NLRC5: variants seen among roughly 807,000 people sequenced by gnomAD.
The protein encoded by NLRC5 is protein NLRC5.
In NLRC5, 114 loss-of-function variants were observed where a neutral mutation model predicts 206.9. That is an observed-to-expected ratio of 0.55 (90% CI 0.47 to 0.64). The LOEUF is 0.64. NLRC5 is among the 30% of genes least tolerant of loss of function. The probability of loss-of-function intolerance (pLI) is 0.00; values close to 1 mark genes in which losing one functional copy is unlikely to be tolerated. For synonymous variants in NLRC5, 952 were observed against 962.8 expected, an observed-to-expected ratio of 0.99 and a Z score of 0.21; for missense variants, 2,008 against 2,305.5, an observed-to-expected ratio of 0.87 and a Z score of 2.64.
intron 1 of NLRC5, among the ~76,000 whole-genome samples, chr16:56,994,846 A>G (rs72773105): frequency 0.012 from 1,816 of 152,268 alleles, 20 homozygotes; most frequent in Middle Eastern, 0.02. Flanking sequence ...TGTGAATGAC[A>G]TTTTTGCAAT....
At chr16:57,019,336 G>A (rs559543088) in intron 2 of NLRC5, among the ~76,000 whole-genome samples, 23 of 152,278 alleles carry the variant, frequency 1.5e-4, no homozygotes, top group Non-Finnish European at 2.6e-4. Context: ...GGCGGAGGCT[G>A]CAGTGAGCCG....
At chr16:57,040,550 T>A (rs1377830546) in intron 16 of NLRC5, 100 bp from the exon 17 acceptor site, 2 of 1,154,788 alleles carry the variant, frequency 1.7e-6, no homozygotes, top group Non-Finnish European at 2.6e-6. Flanking sequence ...TGACTCTAGG[T>A]GGAGGATAGG....
chr16:57,011,684 G>A (rs1409347582), intron 1 of NLRC5, among the ~76,000 whole-genome samples: 1 of 149,902 alleles, frequency 6.7e-6, no homozygotes, highest in African/African-American at 2.5e-5. Flanking sequence ...TTGCACCACT[G>A]CACTCCAGCC....
rs548637347 is a variant in NLRC5 at position 56,993,130 on chromosome 16, TATAC to T, written c.-128+3515_-128+3518del. ...ATACACGTATATATGTGTATATATA[TATAC>T]ACACACACACACACACACATATACA... On this transcript the variant is annotated intron_variant, in intron 1 of 48. Transcript: ENST00000688547. Among the ~76,000 whole-genome samples, 1,011 of 143,406 alleles carry T rather than the reference TATAC, an allele frequency of 7.0e-3. 14 individuals carry two copies. Among genetic ancestry groups the T allele is most frequent in the African/African-American group, 0.021 (787 of 38,168 alleles). 94.1% of individuals were successfully genotyped at this position (143,406 alleles called of 152,430 possible).
chr16:57,013,242 C>A, intron 1 of NLRC5: 1 of 525,256 alleles, frequency 1.9e-6, no homozygotes, highest in South Asian at 1.8e-5. Flanking sequence ...AAGCCACATT[C>A]AATCTTTGGC....
At chr16:57,020,667 C>A (rs564009789) in intron 2 of NLRC5, 34 bp from the exon 3 acceptor site, 2 of 1,542,202 alleles carry the variant, frequency 1.3e-6, no homozygotes, top group Non-Finnish European at 8.8e-7. Flanking sequence ...TTTACCTGTC[C>A]CCCTCAACTC....
intron 1 of NLRC5, 133 bp from the exon 2 acceptor site, chr16:57,016,941 G>C (rs921269802): frequency 1.3e-5 from 2 of 152,744 alleles, no homozygotes; most frequent in South Asian, 2.1e-4. Flanking sequence ...GATGGAGTTG[G>C]GGGGACTGTG....
intron 46 of NLRC5, 32 bp from the exon 47 acceptor site, chr16:57,081,066 C>T: frequency 6.5e-7 from 1 of 1,542,772 alleles, no homozygotes; most frequent in South Asian, 1.2e-5. Context: ...CCTTGCTCTC[C>T]TGCCGCTGAC....
rs2063169552 is a variant in NLRC5 at position 57,040,675 on chromosome 16, C to T, written c.2896C>T (p.Leu966Phe). The stretch of plus-strand genomic sequence containing the variant: ...GGCTGCATTTCTTGACAGCCTCATG[C>T]TCCAGATGCCCTCTGAGCTGCCTCT... The part of the protein sequence containing the change: ...ERAAFLDSLM[L>F]QMPSELPLSS... The change falls in exon 17 of 49, where the codon CTC becomes TTC. Residue 966 changes from leucine to phenylalanine, a missense_variant. By Grantham distance (22) the Leu-to-Phe change is conservative. Transcript: ENST00000688547. 1 of 1,614,036 alleles carries T rather than the reference C, an allele frequency of 6.2e-7. No homozygotes were observed. The highest frequency in any genetic ancestry group is 1.3e-5 in the African/African-American group (1 of 74,900).
chr16:56,997,508 A>G (rs1418739480), intron 1 of NLRC5, among the ~76,000 whole-genome samples: 1 of 152,204 alleles, frequency 6.6e-6, no homozygotes, highest in African/African-American at 2.4e-5. Context: ...GCACAGCACT[A>G]AAATGTTGAA....
chr16:57,026,167 G>A lies in NLRC5; in HGVS notation c.1224G>A (p.Leu408=), dbSNP rs779618311. 1 of 1,613,788 alleles carries A rather than the reference G, an allele frequency of 6.2e-7. No individual in the cohort carries two copies. The highest frequency in any genetic ancestry group is 1.3e-5 in the African/African-American group (1 of 74,938). The change falls in exon 6 of 49, where the codon CTG becomes CTA. Residue 408 remains leucine (L), a synonymous_variant. Transcript: ENST00000688547. ...RLRSLCAVPA[L]CQVACLCLHH... Reference sequence around the variant, plus strand: ...GAAGCCTGTGTGCGGTGCCCGCACTGTGCCAAGTCGCCTGTCTCTGCCTCC... The same window carrying A: ...GAAGCCTGTGTGCGGTGCCCGCACTATGCCAAGTCGCCTGTCTCTGCCTCC...
chr16:57,069,898 G>A lies in NLRC5; in HGVS notation c.4562G>A (p.Cys1521Tyr), dbSNP rs375934197. 45 of 1,585,284 alleles carry A rather than the reference G, an allele frequency of 2.8e-5. No homozygotes were observed. The highest frequency in any genetic ancestry group is 2.6e-5 in the Non-Finnish European group (30 of 1,166,424). The change falls in exon 37 of 49, where the codon TGC becomes TAC. Residue 1521 changes from cysteine to tyrosine, a missense_variant. Coordinates refer to ENST00000688547, the MANE Select transcript of NLRC5 (RefSeq NM_001384950.1). ...CACCTGGCATCTGGTCTGGGCCACTGCCACCACTTGGAGGAGCTGGAGTGA... is the reference window on the plus strand; with the variant it reads ...CACCTGGCATCTGGTCTGGGCCACTACCACCACTTGGAGGAGCTGGAGTGA... ...LAHLASGLGH[C>Y]HHLEELDLSN...
intron 1 of NLRC5, among the ~76,000 whole-genome samples, chr16:57,011,586 G>A (rs72778371): frequency 0.15 from 22,681 of 151,944 alleles, 2,173 homozygotes; most frequent in Middle Eastern, 0.26. Flanking sequence ...GCCTGGCATG[G>A]TGGAGTGTGC....
intron 4 of NLRC5, 82 bp from the exon 5 acceptor site, chr16:57,023,703 T>G: frequency 8.4e-7 from 1 of 1,188,894 alleles, no homozygotes; most frequent in Non-Finnish European, 1.2e-6. Flanking sequence ...GTCTGTGGAC[T>G]GGAGTTCCCC....
At chr16:57,076,693 A>G (rs2068446092) in intron 39 of NLRC5, 126 bp from the exon 40 acceptor site, 1 of 816,528 alleles carries the variant, frequency 1.2e-6, no homozygotes, top group African/African-American at 1.7e-5. Flanking sequence ...GACCCCCAGA[A>G]GTTTTGCTAC....
At chr16:56,994,936 A>G (rs1163610578) in intron 1 of NLRC5, among the ~76,000 whole-genome samples, 1 of 152,116 alleles carries the variant, frequency 6.6e-6, no homozygotes, top group Non-Finnish European at 1.5e-5. Context: ...GCACTTTGGG[A>G]GGCTGAGATG....
chr16:57,063,897 C>T (rs1445016002), intron 32 of NLRC5, among the ~76,000 whole-genome samples: 1 of 151,646 alleles, frequency 6.6e-6, no homozygotes, highest in African/African-American at 2.4e-5. Context: ...CGCCACCACG[C>T]CTGACTAATG....
intron 1 of NLRC5, among the ~76,000 whole-genome samples, chr16:57,002,065 C>T (rs1024905289): frequency 6.6e-6 from 1 of 152,212 alleles, no homozygotes; most frequent in African/African-American, 2.4e-5. Flanking sequence ...CATCCATGTC[C>T]TTGCAAATGA....
chr16:57,056,297 T>C (rs1028453796), intron 27 of NLRC5, among the ~76,000 whole-genome samples: 2 of 149,684 alleles, frequency 1.3e-5, no homozygotes, highest in African/African-American at 2.4e-5. Context: ...CATGGATTTC[T>C]TTTTTTTTTA....
Sources: gnomAD v4.1 joint callset for allele counts (sites outside exome capture counted in the v4.1 genomes callset) on GRCh38, gnomAD v4.1.1 for gene constraint, MANE v1.5 for transcripts, NCBI Gene and HGNC (gene_info 2026-07-23, HGNC 2026-07-21) for gene names.